LIN54: variants seen among roughly 807,000 people sequenced by gnomAD.
LIN54 encodes lin-54 DREAM MuvB core complex component.
In LIN54, 9 loss-of-function variants were observed where a neutral mutation model predicts 78.7. The observed-to-expected ratio is 0.11, with a 90% CI of 0.07 to 0.20. The LOEUF (loss-of-function observed/expected upper bound fraction) is 0.20, where lower values mean the gene tolerates loss of function less well. Ranked by LOEUF, LIN54 falls within the 10% of genes least tolerant of loss-of-function variation. LIN54 has a pLI of 1.00. For synonymous variants in LIN54, 269 were observed against 318.4 expected, an observed-to-expected ratio of 0.84 and a Z score of 1.65; for missense variants, 573 against 889.9, an observed-to-expected ratio of 0.64 and a Z score of 4.53.
intron 4 of LIN54, among the ~76,000 whole-genome samples, chr4:82,954,985 T>C (rs925367036): frequency 6.6e-6 from 1 of 152,164 alleles, no homozygotes; most frequent in Admixed American, 6.5e-5. Context: ...AAGAAAAAAC[T>C]GGTAAGTTAA....
chr4:82,938,289 T>C, intron 8 of LIN54, 124 bp downstream of exon 8: 1 of 586,258 alleles, frequency 1.7e-6, no homozygotes, highest in Non-Finnish European at 3.0e-6. Context: ...ACAAGTATTT[T>C]AGAGGCATGC....
At chr4:82,970,818 T>C (rs568144536) in intron 3 of LIN54, among the ~76,000 whole-genome samples, 5 of 152,320 alleles carry the variant, frequency 3.3e-5, no homozygotes, top group African/African-American at 1.2e-4. Context: ...GTCTTAAAAC[T>C]TCAATCTCTG....
At chr4:83,010,308 G>GA (rs1487146966) in intron 1 of LIN54, among the ~76,000 whole-genome samples, 176 bp downstream of exon 1, 2 of 152,182 alleles carry the variant, frequency 1.3e-5, no homozygotes, top group Non-Finnish European at 2.9e-5. Context: ...GAGCAAACTG[G>GA]AGCCCTCTTA....
intron 5 of LIN54, among the ~76,000 whole-genome samples, chr4:82,941,355 G>T (rs766329417): frequency 2.6e-5 from 4 of 152,034 alleles, no homozygotes; most frequent in Admixed American, 6.6e-5. Context: ...ATTTACAAAT[G>T]TTGGTGAACA....
At position 82,927,014 on chromosome 4, in the gene LIN54, GCA is replaced by G. The variant is rs1394194738; in HGVS notation, c.*1086_*1087del. The stretch of plus-strand genomic sequence containing the variant: ...TACAAAAAATGAGCCGGGCATGGTG[GCA>G]TGCACCTGTAGTCCCAGCTACACGG... On this transcript the variant is annotated 3_prime_UTR_variant, in exon 13 of 13. Coordinates refer to ENST00000340417, the MANE Select transcript of LIN54 (RefSeq NM_194282.4). 1 of 152,430 alleles carries G rather than the reference GCA, an allele frequency of 6.6e-6. No individual in the cohort carries two copies. Among genetic ancestry groups the G allele is most frequent in the Non-Finnish European group, 1.5e-5 (1 of 68,282 alleles). The allele number at this position is 152,430 out of a possible 1,614,324, so 9.4% of individuals were successfully genotyped here.
At chr4:82,993,015 G>C (rs535025188) in intron 1 of LIN54, among the ~76,000 whole-genome samples, 1 of 141,212 alleles carries the variant, frequency 7.1e-6, no homozygotes, top group Admixed American at 7.2e-5. Flanking sequence ...GTGACAAAGC[G>C]AGACTCTGTC....
At chr4:82,954,588 T>A (rs1269014439) in intron 4 of LIN54, among the ~76,000 whole-genome samples, 1 of 152,080 alleles carries the variant, frequency 6.6e-6, no homozygotes, top group East Asian at 1.9e-4. Context: ...CGGCTAATTT[T>A]TGTATTTTTA....
intron 1 of LIN54, among the ~76,000 whole-genome samples, chr4:82,986,297 A>G (rs1358160883): frequency 6.6e-6 from 1 of 152,018 alleles, no homozygotes; most frequent in African/African-American, 2.4e-5. Context: ...TTGTATTTTT[A>G]GTAGAGACAA....
chr4:82,954,810 C>T (rs1161341398), intron 4 of LIN54, among the ~76,000 whole-genome samples: 1 of 152,030 alleles, frequency 6.6e-6, no homozygotes, highest in Non-Finnish European at 1.5e-5. Context: ...AACAGAAGGT[C>T]CACATGCAAA....
At chr4:83,004,123 T>G (rs1729088802) in intron 1 of LIN54, among the ~76,000 whole-genome samples, 1 of 151,872 alleles carries the variant, frequency 6.6e-6, no homozygotes, top group South Asian at 2.1e-4. Context: ...ACAGGCCGGG[T>G]GCGGTGGCTT....
intron 3 of LIN54, among the ~76,000 whole-genome samples, chr4:82,974,470 C>T (rs1482550052): frequency 8.5e-5 from 13 of 152,100 alleles, no homozygotes; most frequent in Non-Finnish European, 1.9e-4. Context: ...GGCGTGGTGG[C>T]TCACACCTGT....
upstream of LIN54, chr4:83,011,975 G>C (rs1356330018): frequency 1.0e-6 from 1 of 960,788 alleles, no homozygotes; most frequent in East Asian, 1.1e-4. Flanking sequence ...TGTAGGAAGA[G>C]TAAGGTTGAA....
At chr4:82,982,036 A>G (rs62311667) in intron 2 of LIN54, among the ~76,000 whole-genome samples, 63,634 of 151,968 alleles carry the variant, frequency 0.42, 16,718 homozygotes, top group Admixed American at 0.58. Context: ...AAACAAAACA[A>G]AACAAAACAG....
At chr4:82,973,918 C>T (rs1725894896) in intron 3 of LIN54, among the ~76,000 whole-genome samples, 1 of 152,072 alleles carries the variant, frequency 6.6e-6, no homozygotes, top group African/African-American at 2.4e-5. Context: ...CATCAAAGTG[C>T]CAAAAATAGG....
At chr4:82,959,262 T>C (rs1400373462) in intron 4 of LIN54, among the ~76,000 whole-genome samples, 1 of 151,464 alleles carries the variant, frequency 6.6e-6, no homozygotes, top group Non-Finnish European at 1.5e-5. Flanking sequence ...ACTCAGGAGG[T>C]TGAGGAGGGA....
intron 1 of LIN54, among the ~76,000 whole-genome samples, chr4:83,003,054 C>A (rs1352672878): frequency 1.3e-5 from 2 of 152,118 alleles, no homozygotes; most frequent in African/African-American, 4.8e-5. Flanking sequence ...TGCTCTGTCA[C>A]CCAGGTTGGA....
intron 2 of LIN54, among the ~76,000 whole-genome samples, chr4:82,981,409 C>T (rs1349525649): frequency 6.6e-6 from 1 of 152,090 alleles, no homozygotes; most frequent in Non-Finnish European, 1.5e-5. Flanking sequence ...CTCCATCTTC[C>T]ACCGTTGCCT....
intron 4 of LIN54, among the ~76,000 whole-genome samples, chr4:82,967,134 G>C (rs202190092): frequency 6.6e-6 from 1 of 151,382 alleles, no homozygotes; most frequent in East Asian, 2.0e-4. Flanking sequence ...GCTGAGGCAG[G>C]AGAATTGTTT....
At position 82,951,260 on chromosome 4, in the gene LIN54, C is replaced by A. The variant is rs1723822171; in HGVS notation, c.952-4786G>T. Among the ~76,000 whole-genome samples the A allele has an allele frequency of 8.5e-5, 13 of 152,242 alleles. No individual in the cohort carries two copies. In the South Asian group the frequency reaches 1.0e-3, roughly 12 times the overall value. ...TTAAGATGCACGAGAACATTCAGCA[C>A]TGATGTATTGACTGGTGAAATATTA... is the stretch of plus-strand genomic sequence containing the variant. On this transcript the variant is annotated intron_variant, in intron 4 of 12. Transcript: ENST00000340417.
Sources: gnomAD v4.1 joint callset for allele counts (sites outside exome capture counted in the v4.1 genomes callset) on GRCh38, gnomAD v4.1.1 for gene constraint, MANE v1.5 for transcripts, NCBI Gene and HGNC (gene_info 2026-07-23, HGNC 2026-07-21) for gene names.